NCALD: variants seen among roughly 807,000 people sequenced by gnomAD.
The protein encoded by NCALD is neurocalcin-delta.
NCALD carries 10 observed loss-of-function variants against 18.6 expected under a neutral mutation model. That is an observed-to-expected ratio of 0.54 (90% CI 0.33 to 0.91). The LOEUF is 0.91. Among genes scored for constraint, NCALD ranks in the 40% least tolerant of loss-of-function variants. The pLI is 0.03. For synonymous variants in NCALD, 88 were observed against 87.4 expected, an observed-to-expected ratio of 1.01 and a Z score of -0.04; for missense variants, 184 against 247.6, an observed-to-expected ratio of 0.74 and a Z score of 1.72.
At chr8:101,700,729 C>T (rs558932638) in intron 2 of NCALD, among the ~76,000 whole-genome samples, 2 of 152,316 alleles carry the variant, frequency 1.3e-5, no homozygotes, top group South Asian at 2.1e-4. Context: ...TCACACTCAA[C>T]GGAAAGTCTT....
intron 2 of NCALD, among the ~76,000 whole-genome samples, chr8:101,943,593 T>G (rs1819041115): frequency 6.6e-6 from 1 of 152,174 alleles, no homozygotes; most frequent in Non-Finnish European, 1.5e-5. Flanking sequence ...TGAAGAGGCA[T>G]CACGTTAAGA....
At chr8:102,118,045 G>C (rs1460756487) in intron 1 of NCALD, among the ~76,000 whole-genome samples, 2 of 152,202 alleles carry the variant, frequency 1.3e-5, no homozygotes, top group Admixed American at 1.3e-4. Context: ...GGGATAATTA[G>C]AACACTACTT....
At chr8:102,024,977 G>T (rs1365844460) in intron 1 of NCALD, among the ~76,000 whole-genome samples, 1 of 152,038 alleles carries the variant, frequency 6.6e-6, no homozygotes, top group Non-Finnish European at 1.5e-5. Flanking sequence ...CAAACCAATT[G>T]CTCCCCATCC....
intron 2 of NCALD, among the ~76,000 whole-genome samples, chr8:101,697,681 C>T (rs1815065201): frequency 6.6e-6 from 1 of 152,028 alleles, no homozygotes; most frequent in Non-Finnish European, 1.5e-5. Flanking sequence ...TAAACAGAAA[C>T]ATATAAATGA....
chr8:102,035,208 G>A (rs751807637), intron 1 of NCALD, among the ~76,000 whole-genome samples: 43 of 151,482 alleles, frequency 2.8e-4, no homozygotes, highest in Admixed American at 3.9e-4. Context: ...GTCTCTGCTG[G>A]AAGAATCTCG....
chr8:101,798,594 A>G (rs1035900231), intron 4 of NCALD, among the ~76,000 whole-genome samples: 3 of 152,248 alleles, frequency 2.0e-5, no homozygotes, highest in Admixed American at 6.5e-5. Context: ...TAACTGATTT[A>G]CAGAATTAAC....
Position 101,725,385 on chromosome 8 carries a change from T to G in NCALD, c.-19-5737A>C, listed in dbSNP as rs1359447958. Among the ~76,000 whole-genome samples the G allele has an allele frequency of 4.6e-5, 7 of 152,198 alleles. No homozygotes were observed. The East Asian group carries it at 1.3e-3, about 29-fold the overall frequency. On this transcript the variant is annotated intron_variant, in intron 1 of 3. Transcript: ENST00000220931. ...TGGGCTCCGAGGAAAGATCACCTTC[T>G]TCCTGCACCATCCCCTTTCCAGCTT...
At chr8:101,942,996 G>T (rs1407857133) in intron 2 of NCALD, among the ~76,000 whole-genome samples, 1 of 152,212 alleles carries the variant, frequency 6.6e-6, no homozygotes, top group Non-Finnish European at 1.5e-5. Context: ...CACCTCATGA[G>T]AAGGGGCATT....
intron 2 of NCALD, among the ~76,000 whole-genome samples, chr8:101,964,663 G>A (rs1819956849): frequency 6.6e-6 from 1 of 152,180 alleles, no homozygotes; most frequent in Non-Finnish European, 1.5e-5. Context: ...TTGGTGAATA[G>A]TGAGCCAATC....
At chr8:101,765,708 C>A (rs1160344055) in intron 1 of NCALD, among the ~76,000 whole-genome samples, 1 of 152,138 alleles carries the variant, frequency 6.6e-6, no homozygotes, top group Non-Finnish European at 1.5e-5. Context: ...GGGACCGCAA[C>A]AGCGAGCAGG....
intron 2 of NCALD, among the ~76,000 whole-genome samples, chr8:102,015,103 G>A (rs1365139884): frequency 6.6e-6 from 1 of 152,150 alleles, no homozygotes; most frequent in Non-Finnish European, 1.5e-5. Flanking sequence ...TCGACCCATA[G>A]ACATCAGTAG....
chr8:101,860,848 T>C (rs1179409617), intron 4 of NCALD, among the ~76,000 whole-genome samples: 4 of 152,098 alleles, frequency 2.6e-5, no homozygotes, highest in Admixed American at 1.3e-4. Context: ...GCAGACTGTT[T>C]AGAAATATGG....
At chr8:102,109,576 T>A (rs992708623) in intron 1 of NCALD, among the ~76,000 whole-genome samples, 2 of 152,206 alleles carry the variant, frequency 1.3e-5, no homozygotes, top group African/African-American at 4.8e-5. Context: ...AGTGTCAAAC[T>A]ATGTCAAATG....
chr8:101,695,300 G>A (rs981048032), intron 2 of NCALD, among the ~76,000 whole-genome samples: 12 of 152,180 alleles, frequency 7.9e-5, no homozygotes, highest in African/African-American at 2.9e-4. Flanking sequence ...AGGGGGCTGT[G>A]TATTTATTCA....
chr8:102,112,008 T>C (rs1164622192), intron 1 of NCALD, among the ~76,000 whole-genome samples: 1 of 152,190 alleles, frequency 6.6e-6, no homozygotes, highest in East Asian at 1.9e-4. Context: ...CCCAAGGATG[T>C]TCACCACTGA....
chr8:101,854,144 G>A (rs528491037), intron 4 of NCALD, among the ~76,000 whole-genome samples: 117 of 152,320 alleles, frequency 7.7e-4, no homozygotes, highest in African/African-American at 2.8e-3. Context: ...AGAAAGGAGA[G>A]AGTATTCCCT....
intron 4 of NCALD, among the ~76,000 whole-genome samples, chr8:101,810,642 A>C (rs1418063586): frequency 6.6e-6 from 1 of 152,156 alleles, no homozygotes; most frequent in African/African-American, 2.4e-5. Context: ...AGCCTATTAA[A>C]TTCATTTTTT....
At chr8:101,733,161 C>T (rs1490825807) in intron 1 of NCALD, among the ~76,000 whole-genome samples, 1 of 152,084 alleles carries the variant, frequency 6.6e-6, no homozygotes, top group African/African-American at 2.4e-5. Context: ...GCCAACATGG[C>T]TAAAAGTATT....
At chr8:101,954,015 A>T (rs961346545) in intron 2 of NCALD, among the ~76,000 whole-genome samples, 1 of 152,214 alleles carries the variant, frequency 6.6e-6, no homozygotes, top group Non-Finnish European at 1.5e-5. Context: ...GACTCTGTAG[A>T]CACCATGGTG....
Sources: allele counts gnomAD v4.1 joint callset (sites outside exome capture counted in the v4.1 genomes callset), GRCh38; gene constraint gnomAD v4.1.1; transcripts MANE v1.5; gene names NCBI Gene and HGNC (gene_info 2026-07-23, HGNC 2026-07-21).